The following CFAP61 variants were observed in gnomAD, a reference collection of about 807,000 sequenced individuals.
CFAP61 encodes cilia and flagella associated protein 61, also known as cilia- and flagella-associated protein 61.
CFAP61 carries 107 observed loss-of-function variants against 135.6 expected under a neutral mutation model. The observed-to-expected ratio is 0.79, with a 90% CI of 0.67 to 0.93. The LOEUF (loss-of-function observed/expected upper bound fraction) is 0.93, where lower values mean the gene tolerates loss of function less well. CFAP61 is among the 40% of genes least tolerant of loss of function. The pLI is 0.00. For missense variants in CFAP61, 1,507 were observed against 1,556.2 expected, an observed-to-expected ratio of 0.97 and a Z score of 0.53; for synonymous variants, 575 against 578.5, an observed-to-expected ratio of 0.99 and a Z score of 0.09.
chr20:20,164,303 A>G (rs2053645351), intron 11 of CFAP61, 75 bp downstream of exon 11: 1 of 1,439,494 alleles, frequency 6.9e-7, no homozygotes, highest in East Asian at 2.3e-5. Flanking sequence ...TTTTAACTTT[A>G]CAGAGCCAGT....
chr20:20,264,169 G>T (rs2052501783), intron 21 of CFAP61, among the ~76,000 whole-genome samples: 1 of 152,118 alleles, frequency 6.6e-6, no homozygotes. Context: ...GATTCAATTT[G>T]CTGATACTAT....
chr20:20,062,847 C>A (rs1038845349), intron 2 of CFAP61, among the ~76,000 whole-genome samples: 1 of 152,106 alleles, frequency 6.6e-6, no homozygotes, highest in Middle Eastern at 3.2e-3. Flanking sequence ...TAATTACACA[C>A]GTTAGGATAT....
intron 25 of CFAP61, among the ~76,000 whole-genome samples, chr20:20,302,565 G>A (rs2056175729): frequency 1.3e-5 from 2 of 152,186 alleles, no homozygotes; most frequent in Admixed American, 1.3e-4. Flanking sequence ...GAAAGGCTGA[G>A]GCACGAGAAT....
Position 20,169,387 on chromosome 20 carries a change from G to C in CFAP61, c.1312G>C (p.Val438Leu). 6.2e-7 allele frequency: 1 copy of C among 1,613,714 alleles called. No homozygotes were observed. ...TPEFFLIQNF[V>L]KMVPFNTCTL... ...CGAGTTCTTCCTCATCCAGAACTTC[G>C]TGAAAATGGTCCCTTTCAACACCTG... is the stretch of plus-strand genomic sequence containing the variant. Residue 438 changes from valine to leucine, a missense_variant, in exon 13 of 27, where the codon GTG becomes CTG. By Grantham distance (32) the Val-to-Leu change is conservative. Coordinates refer to ENST00000245957, the MANE Select transcript of CFAP61 (RefSeq NM_015585.4).
intron 6 of CFAP61, among the ~76,000 whole-genome samples, chr20:20,077,136 G>C (rs1423752006): frequency 6.6e-6 from 1 of 152,142 alleles, no homozygotes; most frequent in Non-Finnish European, 1.5e-5. Flanking sequence ...CATTACAACT[G>C]CTCCTCCGCC....
At chr20:20,126,185 C>T (rs2050053017) in intron 8 of CFAP61, among the ~76,000 whole-genome samples, 3 of 151,774 alleles carry the variant, frequency 2.0e-5, no homozygotes, top group Admixed American at 6.6e-5. Flanking sequence ...TTAAGCGGAA[C>T]ATTTAGGCCA....
chr20:20,181,650 G>A (rs2055108291), intron 13 of CFAP61, among the ~76,000 whole-genome samples: 1 of 152,154 alleles, frequency 6.6e-6, no homozygotes, highest in African/African-American at 2.4e-5. Context: ...GAGAGGTAAA[G>A]CCTTGGGAAG....
chr20:20,324,129 T>C (rs1465590460), intron 25 of CFAP61, among the ~76,000 whole-genome samples: 2 of 152,222 alleles, frequency 1.3e-5, no homozygotes, highest in Admixed American at 1.3e-4. Context: ...ATGCATTCAA[T>C]GTATTTTTAT....
At chr20:20,088,436 C>CTA in intron 6 of CFAP61, among the ~76,000 whole-genome samples, 1 of 152,130 alleles carries the variant, frequency 6.6e-6, no homozygotes, top group East Asian at 1.9e-4. Flanking sequence ...ACACATCTTT[C>CTA]TTCACAAGGC....
chr20:20,105,213 C>T lies in CFAP61; in HGVS notation c.859+6399C>T, dbSNP rs75080057. 8.8e-4 allele frequency among the ~76,000 whole-genome samples: 134 copies of T among 152,248 alleles called. No homozygotes were observed. The East Asian group carries it at 0.015, about 17-fold the overall frequency. The stretch of plus-strand genomic sequence containing the variant: ...CCAACCTTCTGTGCCCGAGGAAAGT[C>T]CCTGTGTCCCACCAATGGGCTTCTC... On this transcript the variant is annotated intron_variant, in intron 8 of 26. Transcript: ENST00000245957.
chr20:20,116,756 C>T (rs1054391342), intron 8 of CFAP61, among the ~76,000 whole-genome samples: 3 of 152,102 alleles, frequency 2.0e-5, no homozygotes, highest in African/African-American at 7.2e-5. Flanking sequence ...CTCCCCCACC[C>T]CTCTACTCTT....
intron 13 of CFAP61, among the ~76,000 whole-genome samples, chr20:20,171,300 A>T (rs2054202733): frequency 6.6e-6 from 1 of 152,224 alleles, no homozygotes; most frequent in Non-Finnish European, 1.5e-5. Flanking sequence ...ACGTGGTCTA[A>T]GGAGAATACC....
At chr20:20,093,147 CACTGATACATGCTA>C (rs1237681264) in intron 7 of CFAP61, among the ~76,000 whole-genome samples, 1 of 152,166 alleles carries the variant, frequency 6.6e-6, no homozygotes, top group African/African-American at 2.4e-5. Context: ...GAGAACGAAG[CACTGATACATGCTA>C]CAGCGTGTAT....
chr20:20,168,860 A>G (rs1334331481), intron 12 of CFAP61, among the ~76,000 whole-genome samples: 1 of 152,126 alleles, frequency 6.6e-6, no homozygotes. Context: ...TGGTTTATGG[A>G]TAATCACAGA....
intron 8 of CFAP61, among the ~76,000 whole-genome samples, chr20:20,117,695 G>C (rs559346254): frequency 6.6e-6 from 1 of 152,146 alleles, no homozygotes; most frequent in Admixed American, 6.5e-5. Flanking sequence ...TCGTTTTAAC[G>C]ATATTCTTCT....
intron 22 of CFAP61, among the ~76,000 whole-genome samples, chr20:20,281,468 A>G (rs2054192646): frequency 6.6e-6 from 1 of 152,074 alleles, no homozygotes; most frequent in Non-Finnish European, 1.5e-5. Flanking sequence ...CGGCTGTTGA[A>G]TTTTGTTAAG....
chr20:20,063,803 G>C (rs936602412), intron 2 of CFAP61, among the ~76,000 whole-genome samples: 1 of 152,146 alleles, frequency 6.6e-6, no homozygotes, highest in Non-Finnish European at 1.5e-5. Context: ...AAATGGAAAG[G>C]AATGTGAATT....
chr20:20,232,816 A>G (rs1569167900), intron 18 of CFAP61: 1 of 152,242 alleles, frequency 6.6e-6, no homozygotes, highest in Non-Finnish European at 1.5e-5. Context: ...CATGGATGAC[A>G]GTGACTGAAA....
chr20:20,277,045 G>T (rs539593539), intron 21 of CFAP61, 121 bp from the exon 22 acceptor site: 4 of 728,126 alleles, frequency 5.5e-6, no homozygotes, highest in East Asian at 2.7e-5. Context: ...AGGTAACACC[G>T]CTGGCTTCCT....
Sources: gnomAD v4.1 joint callset for allele counts (sites outside exome capture counted in the v4.1 genomes callset) on GRCh38, gnomAD v4.1.1 for gene constraint, MANE v1.5 for transcripts, NCBI Gene and HGNC (gene_info 2026-07-23, HGNC 2026-07-21) for gene names.